RAI1: variants seen among roughly 807,000 people sequenced by gnomAD.
RAI1 encodes the protein retinoic acid-induced protein 1.
In RAI1, 9 loss-of-function variants were observed where a neutral mutation model predicts 123.8. The observed-to-expected ratio is 0.07, with a 90% CI of 0.04 to 0.13. The LOEUF (loss-of-function observed/expected upper bound fraction) is 0.13. RAI1 is among the 10% of genes least tolerant of loss of function. The pLI is 1.00. For missense variants in RAI1, 2,256 were observed against 2,545.8 expected, an observed-to-expected ratio of 0.89 and a Z score of 2.45; for synonymous variants, 1,231 against 1,127.3, an observed-to-expected ratio of 1.09 and a Z score of -1.84.
chr17:17,705,949 G>A (rs542642747), intron 1 of RAI1, among the ~76,000 whole-genome samples: 12 of 150,350 alleles, frequency 8.0e-5, no homozygotes, highest in Admixed American at 1.3e-4. Context: ...TCCTGAATCC[G>A]GGAGGCAGAA....
chr17:17,722,873 C>T (rs1251835748), intron 1 of RAI1, among the ~76,000 whole-genome samples: 1 of 152,200 alleles, frequency 6.6e-6, no homozygotes, highest in Non-Finnish European at 1.5e-5. Flanking sequence ...CTACACGTCG[C>T]GCTGCGCCGC....
At chr17:17,778,417 AC>A (rs1032054265) in intron 2 of RAI1, 11 of 277,518 alleles carry the variant, frequency 4.0e-5, no homozygotes, top group African/African-American at 2.4e-4. Flanking sequence ...ATTTCGTCCC[AC>A]AACAGCACTG....
intron 1 of RAI1, among the ~76,000 whole-genome samples, chr17:17,695,873 C>T (rs998020510): frequency 6.6e-6 from 1 of 152,200 alleles, no homozygotes; most frequent in African/African-American, 2.4e-5. Flanking sequence ...TCACCTCCTA[C>T]CTGTACTGAG....
intron 2 of RAI1, 36 bp from the exon 3 acceptor site, chr17:17,792,897 T>A: frequency 1.1e-4 from 42 of 375,204 alleles, no homozygotes; most frequent in East Asian, 4.7e-4. Context: ...CCCTCCCTCC[T>A]TCCCTCCCTC....
intron 2 of RAI1, among the ~76,000 whole-genome samples, chr17:17,745,855 C>A: frequency 6.6e-6 from 1 of 152,152 alleles, no homozygotes; most frequent in Admixed American, 6.5e-5. Flanking sequence ...GTGGAGGAAG[C>A]CGTGAGGATG....
chr17:17,686,608 T>TGTGTGCGCGCGCGC (rs1491248703), intron 1 of RAI1, among the ~76,000 whole-genome samples: 23 of 137,852 alleles, frequency 1.7e-4, no homozygotes, highest in African/African-American at 3.9e-4. Context: ...TGTGTGTGTG[T>TGTGTGCGCGCGCGC]GCACGCGCGC....
intron 1 of RAI1, among the ~76,000 whole-genome samples, chr17:17,698,182 C>T (rs1025890148): frequency 6.6e-6 from 1 of 152,206 alleles, no homozygotes; most frequent in East Asian, 1.9e-4. Context: ...CTCCTCCTCC[C>T]TGGACCTCAG....
At chr17:17,759,603 C>T (rs1182583369) in intron 2 of RAI1, among the ~76,000 whole-genome samples, 2 of 151,900 alleles carry the variant, frequency 1.3e-5, no homozygotes, top group South Asian at 2.1e-4. Context: ...ACCTGCTTTT[C>T]GCCCTTCATA....
chr17:17,725,750 G>A (rs537910090), intron 2 of RAI1, among the ~76,000 whole-genome samples: 10 of 152,160 alleles, frequency 6.6e-5, no homozygotes, highest in African/African-American at 2.4e-4. Context: ...TTCTTCCTGG[G>A]GTAGAGAGCC....
intron 1 of RAI1, among the ~76,000 whole-genome samples, chr17:17,715,961 T>A (rs1245490902): frequency 3.3e-5 from 5 of 152,210 alleles, no homozygotes; most frequent in Non-Finnish European, 7.3e-5. Flanking sequence ...CTGTTACCCA[T>A]TTTGCAGATG....
chr17:17,695,182 T>C (rs1327103325), intron 1 of RAI1, among the ~76,000 whole-genome samples: 1 of 152,104 alleles, frequency 6.6e-6, no homozygotes, highest in East Asian at 1.9e-4. Flanking sequence ...GGTCTCGAGC[T>C]CTTCCCCGGA....
Position 17,793,109 on chromosome 17 carries a change from A to G in RAI1, c.161A>G (p.Gln54Arg). 6.2e-7 allele frequency: 1 copy of G among 1,614,040 alleles called. No homozygotes were observed. The highest frequency in any genetic ancestry group is 8.5e-7 in the Non-Finnish European group (1 of 1,180,036). ...CTCGCCAAGGACTATTATAACCCGC[A>G]GCCTTACCCGAGCTATGAGGGTGGC... ...RLLAKDYYNP[Q>R]PYPSYEGGAG... The change falls in exon 3 of 6, where the codon CAG becomes CGG. Residue 54 changes from glutamine (Q) to arginine (R), a missense_variant. By Grantham distance (43) the Gln-to-Arg change is conservative. Coordinates refer to ENST00000353383, the MANE Select transcript of RAI1 (RefSeq NM_030665.4).
intron 2 of RAI1, chr17:17,778,832 C>G (rs779108552): frequency 4.4e-6 from 2 of 456,642 alleles, no homozygotes; most frequent in Non-Finnish European, 8.8e-6. Context: ...GGAAGAGGCT[C>G]TCTCCCCCAG....
intron 2 of RAI1, among the ~76,000 whole-genome samples, chr17:17,754,191 CTTTTTTTTTTTTTTT>C (rs1158475382): frequency 6.6e-5 from 5 of 75,726 alleles, no homozygotes; most frequent in East Asian, 8.2e-4. Flanking sequence ...CTAACCCAAT[CTTTTTTTTTTTTTTT>C]TTTTTTTTTT....
intron 2 of RAI1, among the ~76,000 whole-genome samples, chr17:17,734,384 C>T (rs1380371154): frequency 6.6e-6 from 1 of 152,016 alleles, no homozygotes; most frequent in Non-Finnish European, 1.5e-5. Context: ...GTCAAGGCTG[C>T]CATGAGCCAA....
chr17:17,700,374 G>C (rs1915177851), intron 1 of RAI1, among the ~76,000 whole-genome samples: 1 of 151,830 alleles, frequency 6.6e-6, no homozygotes, highest in Non-Finnish European at 1.5e-5. Flanking sequence ...CCGCGAGCTG[G>C]AGGCGCGGCT....
intron 1 of RAI1, among the ~76,000 whole-genome samples, chr17:17,702,653 G>C (rs1004127053): frequency 6.6e-6 from 1 of 152,218 alleles, no homozygotes; most frequent in African/African-American, 2.4e-5. Flanking sequence ...CTACTGGCAT[G>C]CCTCGGGGTT....
chr17:17,743,710 G>A (rs1439309616), intron 2 of RAI1, among the ~76,000 whole-genome samples: 2 of 152,258 alleles, frequency 1.3e-5, no homozygotes, highest in Non-Finnish European at 2.9e-5. Flanking sequence ...GGCTGGTTGG[G>A]CACATGCACG....
Position 17,795,768 on chromosome 17 carries a change from C to G in RAI1, c.2820C>G (p.Ser940Arg), listed in dbSNP as rs141725170. 41 of 1,613,494 alleles carry G rather than the reference C, an allele frequency of 2.5e-5. No homozygotes were observed. Among genetic ancestry groups the G allele is most frequent in the Non-Finnish European group, 3.1e-5 (37 of 1,180,042 alleles). The change falls in exon 3 of 6, where the codon AGC becomes AGG. Residue 940 changes from serine to arginine, a missense_variant. Ser to Arg is a moderately radical substitution (Grantham distance 110). Transcript: ENST00000353383. The surrounding 1 kb of genome is among the most constrained non-coding windows in gnomAD (Gnocchi z 5.9). ...PTVGTESKVQ[S>R]WFESSLSHMK... ...TGGGCACCGAGTCAAAGGTCCAGAG[C>G]TGGTTTGAGTCCTCTCTGTCACACA...
Sources: allele counts gnomAD v4.1 joint callset (sites outside exome capture counted in the v4.1 genomes callset), GRCh38; gene constraint gnomAD v4.1.1; non-coding constraint Gnocchi (gnomAD v3.1); transcripts MANE v1.5; gene names NCBI Gene and HGNC (gene_info 2026-07-23, HGNC 2026-07-21).